Variants in NFIA observed in about 807,000 individuals in gnomAD.
NFIA encodes nuclear factor I A, also known as nuclear factor 1 A-type.
A neutral mutation model predicts 62.8 loss-of-function variants in NFIA; 8 were observed. That is an observed-to-expected ratio of 0.13 (90% CI 0.07 to 0.23). The LOEUF is 0.23. Among genes scored for constraint, NFIA ranks in the 10% least tolerant of loss-of-function variants. The pLI is 1.00. For synonymous variants in NFIA, 235 were observed against 238.1 expected (o/e 0.99, Z 0.12); for missense variants, 410 against 642.1 (o/e 0.64, Z 3.91).
At chr1:61,147,959 T>A (rs1426666022) in intron 2 of NFIA, among the ~76,000 whole-genome samples, 2 of 152,184 alleles carry the variant, frequency 1.3e-5, no homozygotes, top group Admixed American at 6.5e-5. Context: ...CCAATGCAAG[T>A]GAGTCTTTTC....
chr1:61,090,535 G>A (rs987569036), intron 2 of NFIA, among the ~76,000 whole-genome samples: 3 of 152,134 alleles, frequency 2.0e-5, no homozygotes, highest in South Asian at 2.1e-4. Flanking sequence ...CTTTTTCGTC[G>A]TTGGTTTGTT....
intron 2 of NFIA, among the ~76,000 whole-genome samples, chr1:61,188,916 T>C (rs915097829): frequency 5.9e-5 from 9 of 152,230 alleles, no homozygotes; most frequent in Admixed American, 2.0e-4. Flanking sequence ...CAATAAGTGC[T>C]TCCTTGTCTG....
chr1:61,120,588 G>A (rs1419937588), intron 2 of NFIA, among the ~76,000 whole-genome samples: 1 of 152,148 alleles, frequency 6.6e-6, no homozygotes, highest in African/African-American at 2.4e-5. Flanking sequence ...TGTAAGTGAA[G>A]CCTTTGGGGA....
intron 7 of NFIA, among the ~76,000 whole-genome samples, chr1:61,389,919 A>ATTAATTTT (rs1249769951): frequency 6.6e-6 from 1 of 152,184 alleles, no homozygotes; most frequent in Admixed American, 6.5e-5. Context: ...ACCTATTACT[A>ATTAATTTT]TCTGGGGACC....
At chr1:61,215,668 A>G (rs1333705124) in intron 2 of NFIA, among the ~76,000 whole-genome samples, 3 of 152,248 alleles carry the variant, frequency 2.0e-5, no homozygotes, top group African/African-American at 4.8e-5. Context: ...TCAAGCTATA[A>G]TTAAATAAGG....
intron 9 of NFIA, among the ~76,000 whole-genome samples, chr1:61,417,367 G>A (rs868774622): frequency 9.8e-5 from 14 of 142,792 alleles, no homozygotes; most frequent in East Asian, 4.0e-4. Context: ...ATGCCTTTTC[G>A]TACTCAAAAA....
intron 2 of NFIA, among the ~76,000 whole-genome samples, chr1:61,115,035 A>AGTG (rs1405644914): frequency 6.6e-6 from 1 of 152,094 alleles, no homozygotes; most frequent in African/African-American, 2.4e-5. Context: ...GCTGGAGTGC[A>AGTG]GTGGTGCGAT....
At chr1:61,278,240 G>A (rs1253080901) in intron 3 of NFIA, among the ~76,000 whole-genome samples, 2 of 152,096 alleles carry the variant, frequency 1.3e-5, no homozygotes, top group Non-Finnish European at 1.5e-5. Flanking sequence ...ATTTGAATTC[G>A]TGGCAGGCAC....
chr1:61,152,167 A>G (rs573710475), intron 2 of NFIA, among the ~76,000 whole-genome samples: 3 of 152,232 alleles, frequency 2.0e-5, no homozygotes, highest in Non-Finnish European at 4.4e-5. Context: ...CTCTCCTCCT[A>G]TCAGCTATTA....
At chr1:61,201,246 T>TTGTACTAATTTTA (rs1553160887) in intron 2 of NFIA, among the ~76,000 whole-genome samples, 1 of 152,180 alleles carries the variant, frequency 6.6e-6, no homozygotes, top group Non-Finnish European at 1.5e-5. Flanking sequence ...TTATGAGCCA[T>TTGTACTAATTTTA]TGTACTAATT....
intron 3 of NFIA, among the ~76,000 whole-genome samples, chr1:61,313,844 G>A (rs1032789249): frequency 6.6e-5 from 10 of 152,162 alleles, no homozygotes; most frequent in Non-Finnish European, 2.9e-5. Context: ...GTGCAATTAG[G>A]GAACAGTGCC....
chr1:61,394,089 T>C (rs1665144926), intron 7 of NFIA, among the ~76,000 whole-genome samples: 1 of 152,238 alleles, frequency 6.6e-6, no homozygotes, highest in Non-Finnish European at 1.5e-5. Flanking sequence ...ATTTGTTGAA[T>C]GAGTGATCCT....
At chr1:61,329,197 G>A (rs1320175353) in intron 3 of NFIA, among the ~76,000 whole-genome samples, 6 of 150,524 alleles carry the variant, frequency 4.0e-5, no homozygotes, top group Non-Finnish European at 5.9e-5. Flanking sequence ...ACAAGCGTGC[G>A]CCACCATGCC....
intron 2 of NFIA, among the ~76,000 whole-genome samples, chr1:61,089,004 T>G (rs1351982971): frequency 6.6e-6 from 1 of 152,232 alleles, no homozygotes; most frequent in Non-Finnish European, 1.5e-5. Context: ...AGAGTATATT[T>G]TAACTGACAA....
intron 2 of NFIA, among the ~76,000 whole-genome samples, chr1:61,107,602 A>G (rs1646626623): frequency 6.6e-6 from 1 of 151,422 alleles, no homozygotes; most frequent in Non-Finnish European, 1.5e-5. Context: ...TTGCCAATAT[A>G]TTTTCGTAGT....
intron 2 of NFIA, among the ~76,000 whole-genome samples, chr1:61,113,771 C>T (rs1646749426): frequency 1.3e-5 from 2 of 151,236 alleles, no homozygotes; most frequent in Non-Finnish European, 2.9e-5. Context: ...AGTTGGAGAG[C>T]AGGTGAAAGG....
At chr1:61,186,229 C>G (rs1310133862) in intron 2 of NFIA, among the ~76,000 whole-genome samples, 1 of 152,198 alleles carries the variant, frequency 6.6e-6, no homozygotes, top group East Asian at 1.9e-4. Context: ...GTGCTTGAGT[C>G]TTGGCTCTGC....
intron 2 of NFIA, among the ~76,000 whole-genome samples, chr1:61,200,646 A>G (rs181971255): frequency 2.2e-4 from 34 of 152,312 alleles, no homozygotes; most frequent in African/African-American, 7.9e-4. Context: ...TAGACAAGAC[A>G]TATCTACTTA....
chr1:61,446,118 C>A (rs1179217046), intron 10 of NFIA, among the ~76,000 whole-genome samples: 1 of 152,164 alleles, frequency 6.6e-6, no homozygotes, highest in African/African-American at 2.4e-5. Flanking sequence ...CTTGTAGTAT[C>A]CTTAGAGAGA....
Sources: allele counts gnomAD v4.1 joint callset (sites outside exome capture counted in the v4.1 genomes callset), GRCh38; gene constraint gnomAD v4.1.1; transcripts MANE v1.5; gene names NCBI Gene and HGNC (gene_info 2026-07-23, HGNC 2026-07-21).